MARK1: variants seen among roughly 807,000 people sequenced by gnomAD.
MARK1 encodes microtubule affinity regulating kinase 1.
Under a neutral mutation model 96.3 loss-of-function variants are expected in MARK1, and 40 were observed. The ratio of observed to expected loss-of-function variants is 0.42; its 90% CI spans 0.32 to 0.54. The LOEUF (loss-of-function observed/expected upper bound fraction) is 0.54. Among genes scored for constraint, MARK1 ranks in the 20% least tolerant of loss-of-function variants. MARK1 has a pLI of 0.16. For missense variants in MARK1, 719 were observed against 984.6 expected (o/e 0.73, Z 3.61); for synonymous variants, 317 against 341.2 (o/e 0.93, Z 0.78).
At chr1:220,657,566 C>T (rs1272570394) in intron 16 of MARK1, among the ~76,000 whole-genome samples, 2 of 152,126 alleles carry the variant, frequency 1.3e-5, no homozygotes, top group African/African-American at 2.4e-5. Context: ...CAAACTTTCA[C>T]CTCATATTGC....
At position 220,540,013 on chromosome 1, in the gene MARK1, G is replaced by A. The variant is rs1373585456; in HGVS notation, c.51+11140G>A. On this transcript the variant is annotated intron_variant, in intron 1 of 17. Coordinates refer to ENST00000366917, the MANE Select transcript of MARK1 (RefSeq NM_018650.5). ...GAAGCCATCTGGTCTTGGGCTTATC[G>A]TTGTTGGAAGGTTTTTGATTCCTGA... Among the ~76,000 whole-genome samples the A allele has an allele frequency of 3.3e-5, 5 of 152,052 alleles. No homozygotes were observed. In the South Asian group the frequency reaches 6.2e-4, roughly 19 times the overall value.
intron 1 of MARK1, among the ~76,000 whole-genome samples, chr1:220,551,044 C>T (rs1236673158): frequency 6.6e-6 from 1 of 152,164 alleles, no homozygotes; most frequent in Non-Finnish European, 1.5e-5. Context: ...GGGAGTAAAA[C>T]AAATTAGAAC....
chr1:220,537,309 A>G (rs1385458463), intron 1 of MARK1, among the ~76,000 whole-genome samples: 2 of 139,584 alleles, frequency 1.4e-5, no homozygotes, highest in African/African-American at 2.7e-5. Context: ...TCATTGTTCA[A>G]TTCCCACCTA....
In MARK1 at chr1:220,620,906, A is replaced by T. The variant is rs911443313; in HGVS notation, c.909+2151A>T. On this transcript the variant is annotated intron_variant, in intron 9 of 17. Transcript: ENST00000366917. ...CAGGGAAACTTGACACCATTTTTTAAAAAAGAAATATTTCTTATACCATAC... is the reference window on the plus strand; with the variant it reads ...CAGGGAAACTTGACACCATTTTTTATAAAAGAAATATTTCTTATACCATAC... 3.9e-5 allele frequency among the ~76,000 whole-genome samples: 6 copies of T among 152,240 alleles called. No individual in the cohort carries two copies. The South Asian group carries it at 1.2e-3, about 32-fold the overall frequency.
At chr1:220,604,682 A>G (rs1455593545) in intron 6 of MARK1, among the ~76,000 whole-genome samples, 1 of 152,036 alleles carries the variant, frequency 6.6e-6, no homozygotes, top group African/African-American at 2.4e-5. Flanking sequence ...GTTCAACTTG[A>G]ATATGACTTA....
At chr1:220,620,121 T>C (rs1666970363) in intron 9 of MARK1, among the ~76,000 whole-genome samples, 1 of 152,198 alleles carries the variant, frequency 6.6e-6, no homozygotes, top group African/African-American at 2.4e-5. Context: ...TTTGTGTCAG[T>C]TAGTCAATTA....
intron 6 of MARK1, among the ~76,000 whole-genome samples, chr1:220,611,382 A>AGGCACGGGAGAGAATCACCTTGTCTT (rs1666431937): frequency 6.6e-6 from 1 of 152,254 alleles, no homozygotes; most frequent in African/African-American, 2.4e-5. Context: ...CCGCCAAGCC[A>AGGCACGGGAGAGAATCACCTTGTCTT]GGCACGGGAG....
chr1:220,638,103 A>G (rs2103021871), intron 13 of MARK1, among the ~76,000 whole-genome samples: 1 of 150,680 alleles, frequency 6.6e-6, no homozygotes, highest in South Asian at 2.1e-4. Context: ...TGATTGAACT[A>G]TAATGGGGCT....
At chr1:220,550,388 C>T (rs1005299110) in intron 1 of MARK1, among the ~76,000 whole-genome samples, 3 of 152,024 alleles carry the variant, frequency 2.0e-5, no homozygotes, top group Non-Finnish European at 4.4e-5. Flanking sequence ...GGTCTTGCTC[C>T]GTTGCCTAAG....
intron 1 of MARK1, among the ~76,000 whole-genome samples, chr1:220,542,471 T>C (rs1357396063): frequency 3.3e-5 from 5 of 152,196 alleles, no homozygotes; most frequent in Admixed American, 1.3e-4. Context: ...CTTTGCCTGA[T>C]TGTTATTTGT....
At chr1:220,586,569 A>T (rs1434859668) in intron 3 of MARK1, among the ~76,000 whole-genome samples, 4 of 151,984 alleles carry the variant, frequency 2.6e-5, no homozygotes, top group Non-Finnish European at 4.4e-5. Flanking sequence ...TTTGTTTCTG[A>T]TGTTTTTGTT....
At chr1:220,599,461 G>A (rs1160342780) in intron 4 of MARK1, among the ~76,000 whole-genome samples, 2 of 151,986 alleles carry the variant, frequency 1.3e-5, no homozygotes, top group African/African-American at 2.4e-5. Context: ...TCACTGTAAT[G>A]TAACATAGTC....
At chr1:220,650,769 T>G in intron 14 of MARK1, 49 bp downstream of exon 14, 4 of 1,374,246 alleles carry the variant, frequency 2.9e-6, no homozygotes, top group Non-Finnish European at 4.1e-6. Context: ...TGTTCTGTGT[T>G]AGTGCCCTTG....
rs935576162 is a variant in MARK1, at chr1:220,590,369, C to G, written c.310-7962C>G. 2.6e-5 allele frequency among the ~76,000 whole-genome samples: 4 copies of G among 152,130 alleles called. No individual in the cohort carries two copies. In the East Asian group the frequency reaches 7.7e-4, roughly 29 times the overall value. ...CTCACCTTTCTAGAGTCTGGAAATT[C>G]AAGATGAAGGTGTGTAGGCAGGTTT... On this transcript the variant is annotated intron_variant, in intron 3 of 17. Transcript: ENST00000366917.
intron 13 of MARK1, among the ~76,000 whole-genome samples, chr1:220,645,907 T>C (rs1004185359): frequency 2.0e-5 from 3 of 152,094 alleles, no homozygotes; most frequent in Admixed American, 1.3e-4. Flanking sequence ...CTGAGTTCCT[T>C]AAAAATAGTA....
chr1:220,622,691 G>A (rs1452235334), intron 9 of MARK1, among the ~76,000 whole-genome samples: 1 of 152,156 alleles, frequency 6.6e-6, no homozygotes, highest in Non-Finnish European at 1.5e-5. Context: ...AAGTCCAGGA[G>A]ATCGAGACCA....
At chr1:220,636,122 A>G in intron 13 of MARK1, 96 bp downstream of exon 13, 1 of 842,290 alleles carries the variant, frequency 1.2e-6, no homozygotes. Context: ...AATGATTGAA[A>G]AATTTAAAGG....
intron 1 of MARK1, among the ~76,000 whole-genome samples, chr1:220,576,926 C>T (rs184293022): frequency 6.6e-6 from 1 of 152,134 alleles, no homozygotes; most frequent in East Asian, 1.9e-4. Context: ...TGTGAAAAGA[C>T]ATAGAAAGCT....
rs376284547 is a variant in MARK1 at position 220,653,369 on chromosome 1, T to G, written c.1988+17T>G. On this transcript the variant is annotated intron_variant, in intron 16 of 17. Coordinates refer to ENST00000366917, the MANE Select transcript of MARK1 (RefSeq NM_018650.5). ...TGTTCGCAGGTCAGTACCAATGTAC[T>G]GTCGTGTTTTGATTCCTCTAGAAAT... 2 of 1,606,888 alleles carry G rather than the reference T, an allele frequency of 1.2e-6. 1 individual carries two copies. Among genetic ancestry groups the G allele is most frequent in the African/African-American group, 2.7e-5 (2 of 74,764 alleles).
Sources: gnomAD v4.1 joint callset for allele counts (sites outside exome capture counted in the v4.1 genomes callset) on GRCh38, gnomAD v4.1.1 for gene constraint, MANE v1.5 for transcripts, NCBI Gene and HGNC (gene_info 2026-07-23, HGNC 2026-07-21) for gene names.